The following CPLX1 variants were observed in gnomAD, a reference collection of about 807,000 sequenced individuals.
The protein encoded by CPLX1 is complexin 1.
A neutral mutation model predicts 15.6 loss-of-function variants in CPLX1; 6 were observed. The observed-to-expected ratio is 0.39, with a 90% CI of 0.21 to 0.76. The LOEUF (loss-of-function observed/expected upper bound fraction) is 0.76. Ranked by LOEUF, CPLX1 falls within the 30% of genes least tolerant of loss-of-function variation. The pLI is 0.43. For missense variants in CPLX1, 242 were observed against 188.6 expected (o/e 1.28, Z -1.66); for synonymous variants, 91 against 75.2 (o/e 1.21, Z -1.08).
At chr4:795,726 C>T (rs1484068375) in intron 2 of CPLX1, among the ~76,000 whole-genome samples, 1 of 152,004 alleles carries the variant, frequency 6.6e-6, no homozygotes, top group East Asian at 1.9e-4. Flanking sequence ...GCGGATAAAC[C>T]CTCTGGGGAG....
chr4:810,700 C>CTT (rs535814622), intron 2 of CPLX1, among the ~76,000 whole-genome samples: 1 of 144,742 alleles, frequency 6.9e-6, no homozygotes. Flanking sequence ...TTTTCTTTTT[C>CTT]TTTTTTTTTT....
chr4:825,117 C>A (rs1207816822), intron 1 of CPLX1, among the ~76,000 whole-genome samples: 2 of 152,026 alleles, frequency 1.3e-5, no homozygotes, highest in Non-Finnish European at 2.9e-5. Flanking sequence ...CCACATGGCC[C>A]GCGTAGAAGA....
In CPLX1 at chr4:799,388, A is replaced by G. The variant is rs567556727; in HGVS notation, c.32-6780T>C. The stretch of plus-strand genomic sequence containing the variant: ...CAGGAGCTTCCAGAGAGCTGGGCAC[A>G]TGGAGGCTGGAAGGAAGGCGAAGAA... On this transcript the variant is annotated intron_variant, in intron 2 of 3. Coordinates refer to ENST00000304062, the MANE Select transcript of CPLX1 (RefSeq NM_006651.4). Among the ~76,000 whole-genome samples the G allele has an allele frequency of 4.5e-4, 68 of 152,318 alleles. 1 individual carries two copies. The highest frequency in any genetic ancestry group is 1.5e-3 in the African/African-American group (64 of 41,584).
At chr4:818,690 G>A (rs1482205001) in intron 2 of CPLX1, among the ~76,000 whole-genome samples, 4 of 152,274 alleles carry the variant, frequency 2.6e-5, no homozygotes, top group Non-Finnish European at 5.9e-5. Flanking sequence ...CCTGGAAACC[G>A]GCGGCTGCGC....
intron 3 of CPLX1, 42 bp from the exon 4 acceptor site, chr4:786,740 C>T (rs766275142): frequency 1.4e-5 from 21 of 1,540,766 alleles, no homozygotes; most frequent in Admixed American, 5.7e-5. Context: ...CCCGGCGGCT[C>T]CCGGGCGGGC....
At position 786,057 on chromosome 4, in the gene CPLX1, G is replaced by C. The variant is rs1745975026; in HGVS notation, c.*444C>G. On this transcript the variant is annotated 3_prime_UTR_variant, in exon 4 of 4. Coordinates refer to ENST00000304062, the MANE Select transcript of CPLX1 (RefSeq NM_006651.4). ...CTCACGGCGGAGCGATCCGAACCCC[G>C]GAGTCCGCGTGCAGGAGGGGGACCC... The C allele has an allele frequency of 1.3e-5, 2 of 153,294 alleles. No individual in the cohort carries two copies. Among genetic ancestry groups the C allele is most frequent in the Admixed American group, 1.3e-4 (2 of 15,310 alleles). The allele number at this position is 153,294 out of a possible 1,614,324, so 9.5% of individuals were successfully genotyped here.
rs186358393 is a variant in CPLX1, at chr4:816,745, C to G, written c.31+7747G>C. Among the ~76,000 whole-genome samples the G allele has an allele frequency of 2.6e-4, 40 of 152,226 alleles. No individual in the cohort carries two copies. In the East Asian group the frequency reaches 5.0e-3, roughly 19 times the overall value. On this transcript the variant is annotated intron_variant, in intron 2 of 3. Coordinates refer to ENST00000304062, the MANE Select transcript of CPLX1 (RefSeq NM_006651.4). ...GCTAAGGTAGAAGGCTCACTTGAGC[C>G]CGGGATGTTGAGGCTGCAGTGAGCT...
At chr4:797,548 G>C (rs951411419) in intron 2 of CPLX1, among the ~76,000 whole-genome samples, 2 of 152,000 alleles carry the variant, frequency 1.3e-5, no homozygotes, top group African/African-American at 4.8e-5. Context: ...GGCTGTTCTC[G>C]AACTCTTGAC....
chr4:806,190 G>C (rs545425197), intron 2 of CPLX1, among the ~76,000 whole-genome samples: 1 of 152,216 alleles, frequency 6.6e-6, no homozygotes, highest in African/African-American at 2.4e-5. Context: ...GCATGGTACA[G>C]GTACAAAAAC....
chr4:792,250 C>A (rs1746199365), intron 3 of CPLX1, among the ~76,000 whole-genome samples, 183 bp downstream of exon 3: 1 of 152,178 alleles, frequency 6.6e-6, no homozygotes, highest in African/African-American at 2.4e-5. Context: ...CTGGGCCCCA[C>A]AGAGGGAGCC....
At chr4:788,472 C>G (rs924223395) in intron 3 of CPLX1, 1 of 985,324 alleles carries the variant, frequency 1.0e-6, no homozygotes, top group African/African-American at 1.7e-5. Flanking sequence ...GCAGCCCCTG[C>G]GCACTCTTGA....
At chr4:791,700 C>T (rs975090291) in intron 3 of CPLX1, among the ~76,000 whole-genome samples, 2 of 152,198 alleles carry the variant, frequency 1.3e-5, no homozygotes, top group African/African-American at 4.8e-5. Flanking sequence ...CAGCTTCCGG[C>T]CTGCTGGGCC....
At chr4:788,428 GGA>G (rs1403708522) in intron 3 of CPLX1, 15 of 985,434 alleles carry the variant, frequency 1.5e-5, no homozygotes, top group African/African-American at 1.7e-5. Context: ...TGGCCACTGA[GGA>G]GAGAGGGGCC....
intron 2 of CPLX1, among the ~76,000 whole-genome samples, chr4:824,212 T>C (rs1017732587): frequency 6.6e-6 from 1 of 152,208 alleles, no homozygotes; most frequent in African/African-American, 2.4e-5. Flanking sequence ...GCATGGTCCA[T>C]GGGCTCTGCC....
chr4:789,248 C>G (rs6850266), intron 3 of CPLX1, among the ~76,000 whole-genome samples: 45,783 of 152,002 alleles, frequency 0.3, 8,240 homozygotes, highest in African/African-American at 0.51. Flanking sequence ...AACGCCCAGG[C>G]ACACCCAGCC....
At chr4:802,070 C>T (rs1358583737) in intron 2 of CPLX1, among the ~76,000 whole-genome samples, 3 of 152,152 alleles carry the variant, frequency 2.0e-5, no homozygotes, top group African/African-American at 7.2e-5. Flanking sequence ...CCAAGAGAAA[C>T]AAACACTTAA....
At chr4:786,891 C>T (rs777440472) in intron 3 of CPLX1, 193 bp from the exon 4 acceptor site, 31 of 980,882 alleles carry the variant, frequency 3.2e-5, no homozygotes, top group South Asian at 4.7e-5. Context: ...GAAGCCCCCA[C>T]GGAGAATGGG....
chr4:819,686 G>A (rs1475521596), intron 2 of CPLX1, among the ~76,000 whole-genome samples: 1 of 152,234 alleles, frequency 6.6e-6, no homozygotes, highest in African/African-American at 2.4e-5. Context: ...TCTGTTTGGA[G>A]TAGGACGGGC....
At chr4:811,160 C>A (rs1385818016) in intron 2 of CPLX1, among the ~76,000 whole-genome samples, 1 of 152,114 alleles carries the variant, frequency 6.6e-6, no homozygotes, top group Non-Finnish European at 1.5e-5. Context: ...CTGCCATGCC[C>A]AGCTAATTTT....
Sources: allele counts gnomAD v4.1 joint callset (sites outside exome capture counted in the v4.1 genomes callset), GRCh38; gene constraint gnomAD v4.1.1; transcripts MANE v1.5; gene names NCBI Gene and HGNC (gene_info 2026-07-23, HGNC 2026-07-21).